The following SLIT1 variants were observed in gnomAD, a reference collection of about 807,000 sequenced individuals.
The protein encoded by SLIT1 is slit guidance ligand 1.
Under a neutral mutation model 186.1 loss-of-function variants are expected in SLIT1, and 66 were observed. That is an observed-to-expected ratio of 0.35 (90% CI 0.29 to 0.44). The LOEUF is 0.44. Ranked by LOEUF, SLIT1 falls within the 20% of genes least tolerant of loss-of-function variation. SLIT1 has a pLI of 1.00. For missense variants in SLIT1, 1,638 were observed against 2,037.4 expected, an observed-to-expected ratio of 0.80 and a Z score of 3.77; for synonymous variants, 761 against 833.8, an observed-to-expected ratio of 0.91 and a Z score of 1.50.
At chr10:97,047,355 A>C (rs1848743567) in intron 16 of SLIT1, among the ~76,000 whole-genome samples, 1 of 152,248 alleles carries the variant, frequency 6.6e-6, no homozygotes. Context: ...ATTTTTAGAT[A>C]GAGGAATAAA....
chr10:97,087,638 G>A (rs1849179430), intron 4 of SLIT1, among the ~76,000 whole-genome samples: 1 of 152,062 alleles, frequency 6.6e-6, no homozygotes, highest in South Asian at 2.1e-4. Context: ...CTCAAAGCAC[G>A]GCTCTCTGCC....
chr10:97,174,469 C>G (rs1026217028), intron 1 of SLIT1, among the ~76,000 whole-genome samples: 2 of 152,226 alleles, frequency 1.3e-5, no homozygotes, highest in Admixed American at 1.3e-4. Context: ...CTCCAACCCA[C>G]CAGGCTGAGC....
chr10:97,126,831 A>G (rs1251731368), intron 4 of SLIT1, among the ~76,000 whole-genome samples: 3 of 152,234 alleles, frequency 2.0e-5, no homozygotes, highest in African/African-American at 4.8e-5. Context: ...TGACTTGCTC[A>G]AGACTCACAG....
intron 18 of SLIT1, among the ~76,000 whole-genome samples, chr10:97,045,265 T>A (rs536142405): frequency 2.0e-5 from 3 of 152,252 alleles, no homozygotes; most frequent in Admixed American, 2.0e-4. Flanking sequence ...TACCTAGTCA[T>A]TCAAACTGAT....
At chr10:97,015,960 G>T (rs995945953) in intron 28 of SLIT1, among the ~76,000 whole-genome samples, 3 of 152,200 alleles carry the variant, frequency 2.0e-5, no homozygotes, top group African/African-American at 7.2e-5. Flanking sequence ...GGAGAAAAAA[G>T]AACAAGGTAA....
rs571914713 is a variant in SLIT1, at chr10:97,010,446, T to A, written c.3341+547A>T. 1.0e-3 allele frequency among the ~76,000 whole-genome samples: 156 copies of A among 151,864 alleles called. No individual in the cohort carries two copies. The highest frequency in any genetic ancestry group is 1.9e-3 in the Non-Finnish European group (130 of 67,908). On this transcript the variant is annotated intron_variant, in intron 31 of 36. Coordinates refer to ENST00000266058, the MANE Select transcript of SLIT1 (RefSeq NM_003061.3). The surrounding 1 kb of genome is among the most constrained non-coding windows in gnomAD (Gnocchi z 4.8). ...GGTGTGACAGATAAAGGGTATGGGGTTTTTTAAGGGGAAATCAACATGTTC... is the reference window on the plus strand; with the variant it reads ...GGTGTGACAGATAAAGGGTATGGGGATTTTTAAGGGGAAATCAACATGTTC...
chr10:97,139,679 C>T (rs1849738492), intron 4 of SLIT1, among the ~76,000 whole-genome samples: 2 of 152,216 alleles, frequency 1.3e-5, no homozygotes, highest in Non-Finnish European at 2.9e-5. Flanking sequence ...GTAATAAATA[C>T]TGTCCCCTCT....
In SLIT1 at chr10:97,011,031, T is replaced by G; in HGVS notation, c.3303A>C (p.Glu1101Asp). ...CACAGAGGCAGGAGTAGCTGTTGAC[T>G]TCATCCATACACTGGGCCCCATTCT... is the stretch of plus-strand genomic sequence containing the variant. Reference protein sequence around the residue: ...RCQNGAQCMDEVNSYSCLCAE... With the variant: ...RCQNGAQCMDDVNSYSCLCAE... The change falls in exon 31 of 37, where the codon GAA becomes GAC. Residue 1101 changes from glutamate (E) to aspartate (D), a missense_variant. By Grantham distance (45) the Glu-to-Asp change is conservative. Transcript: ENST00000266058. 6.2e-7 allele frequency: 1 copy of G among 1,614,072 alleles called. No individual in the cohort carries two copies.
chr10:97,001,414 G>T (rs1848307938), intron 36 of SLIT1, 64 bp from the exon 37 acceptor site: 9 of 1,269,136 alleles, frequency 7.1e-6, no homozygotes, highest in Non-Finnish European at 1.0e-5. Flanking sequence ...GCTGCCTCCA[G>T]GGAGGCAGGA....
At chr10:97,111,050 C>A (rs182793181) in intron 4 of SLIT1, among the ~76,000 whole-genome samples, 46 of 152,090 alleles carry the variant, frequency 3.0e-4, no homozygotes, top group African/African-American at 8.9e-4. Context: ...ATTAGCCAGG[C>A]CTGGTGGCAG....
At chr10:97,079,979 T>TTGTTCCCTTGTTC (rs1012739040) in intron 4 of SLIT1, among the ~76,000 whole-genome samples, 3 of 152,208 alleles carry the variant, frequency 2.0e-5, no homozygotes, top group Non-Finnish European at 4.4e-5. Context: ...AAATGCCTTC[T>TTGTTCCCTTGTTC]CTGCCTTGTT....
intron 30 of SLIT1, among the ~76,000 whole-genome samples, chr10:97,012,329 T>C (rs574984357): frequency 6.6e-6 from 1 of 152,292 alleles, no homozygotes; most frequent in African/African-American, 2.4e-5. Context: ...AATGTTACAG[T>C]AGCTAAGCCA....
intron 36 of SLIT1, among the ~76,000 whole-genome samples, chr10:97,001,596 G>GC (rs1554843710): frequency 3.5e-5 from 4 of 114,288 alleles, no homozygotes; most frequent in East Asian, 2.8e-4. Context: ...GCTGGAGGGA[G>GC]GGGGGGTCCC....
chr10:97,051,565 A>G (rs1848787066), intron 13 of SLIT1, among the ~76,000 whole-genome samples: 1 of 152,176 alleles, frequency 6.6e-6, no homozygotes, highest in South Asian at 2.1e-4. Context: ...TAATCCCAGC[A>G]CTTTGTGAGG....
At chr10:97,116,860 G>T (rs2134684047) in intron 4 of SLIT1, among the ~76,000 whole-genome samples, 1 of 152,228 alleles carries the variant, frequency 6.6e-6, no homozygotes, top group South Asian at 2.1e-4. Flanking sequence ...GGACGGATGG[G>T]CTCTGGAGCT....
Position 97,179,808 on chromosome 10 carries a change from C to CT in SLIT1, c.197+5669_197+5670insA, listed in dbSNP as rs1040931350. On this transcript the variant is annotated intron_variant, in intron 1 of 36. Coordinates refer to ENST00000266058, the MANE Select transcript of SLIT1 (RefSeq NM_003061.3). ...GCCAATTCTCCACACCCTCCCCGCCCCCCGGCACAGCCCAGCTCCCTGGCT... is the reference window on the plus strand; with the variant it reads ...GCCAATTCTCCACACCCTCCCCGCCCTCCCGGCACAGCCCAGCTCCCTGGCT... 4.0e-5 allele frequency among the ~76,000 whole-genome samples: 6 copies of CT among 149,992 alleles called. 1 individual carries two copies. The highest frequency in any genetic ancestry group is 7.5e-5 in the Non-Finnish European group (5 of 66,856).
chr10:97,055,548 T>G (rs1347215395), intron 13 of SLIT1, among the ~76,000 whole-genome samples: 2 of 151,874 alleles, frequency 1.3e-5, no homozygotes, highest in Admixed American at 1.3e-4. Context: ...AAAAATTTCT[T>G]GTGGAGATGG....
intron 4 of SLIT1, among the ~76,000 whole-genome samples, chr10:97,090,437 G>A (rs542042324): frequency 1.3e-5 from 2 of 152,354 alleles, no homozygotes; most frequent in East Asian, 3.9e-4. Context: ...GGTGGCTAGA[G>A]CCATAGGCAG....
At chr10:97,075,316 G>A (rs1014618453) in intron 4 of SLIT1, among the ~76,000 whole-genome samples, 2 of 152,240 alleles carry the variant, frequency 1.3e-5, no homozygotes, top group African/African-American at 2.4e-5. Context: ...ATTATCATAT[G>A]GCTTAACCAC....
Sources: gnomAD v4.1 joint callset for allele counts (sites outside exome capture counted in the v4.1 genomes callset) on GRCh38, gnomAD v4.1.1 for gene constraint, Gnocchi (gnomAD v3.1) non-coding constraint, MANE v1.5 for transcripts, NCBI Gene and HGNC (gene_info 2026-07-23, HGNC 2026-07-21) for gene names.